Variants in CTNNA2 observed in about 807,000 individuals in gnomAD.
CTNNA2 encodes the protein catenin alpha-2.
Under a neutral mutation model 101.0 loss-of-function variants are expected in CTNNA2, and 42 were observed. The observed-to-expected ratio is 0.42, with a 90% confidence interval of 0.32 to 0.54. The LOEUF (loss-of-function observed/expected upper bound fraction) is 0.54. Among genes scored for constraint, CTNNA2 ranks in the 20% least tolerant of loss-of-function variants. CTNNA2 has a pLI of 0.14. For missense variants in CTNNA2, 871 were observed against 1,223.1 expected (o/e 0.71, Z 4.29); for synonymous variants, 450 against 456.4 (o/e 0.99, Z 0.18).
intron 8 of CTNNA2, among the ~76,000 whole-genome samples, chr2:80,407,212 C>A (rs948134400): frequency 6.6e-6 from 1 of 152,172 alleles, no homozygotes; most frequent in African/African-American, 2.4e-5. Flanking sequence ...TGGTCAAATA[C>A]CAGTCACACT....
chr2:79,718,053 T>G (rs904828535), intron 2 of CTNNA2, among the ~76,000 whole-genome samples: 1 of 152,182 alleles, frequency 6.6e-6, no homozygotes, highest in African/African-American at 2.4e-5. Context: ...GGATAAACTC[T>G]TGGGTCAGGT....
At chr2:79,720,199 T>C (rs924052060) in intron 2 of CTNNA2, among the ~76,000 whole-genome samples, 1 of 152,096 alleles carries the variant, frequency 6.6e-6, no homozygotes, top group African/African-American at 2.4e-5. Context: ...GATCAGATGA[T>C]TGTAAGTGTG....
intron 8 of CTNNA2, among the ~76,000 whole-genome samples, chr2:80,412,554 A>G (rs1475591657): frequency 6.6e-6 from 1 of 152,178 alleles, no homozygotes; most frequent in African/African-American, 2.4e-5. Context: ...TGTCTCTACC[A>G]CTTCACCAAA....
At chr2:80,288,306 G>A (rs1003249673) in intron 7 of CTNNA2, 1 of 152,084 alleles carries the variant, frequency 6.6e-6, no homozygotes, top group African/African-American at 2.4e-5. Flanking sequence ...CTTTAGTAGT[G>A]AGCAAAGCAG....
intron 1 of CTNNA2, chr2:79,573,736 TTAAA>T (rs1675613081): frequency 6.6e-6 from 1 of 152,226 alleles, no homozygotes; most frequent in Non-Finnish European, 1.5e-5. Context: ...TCAGATTATC[TTAAA>T]TAATAGTATC....
intron 3 of CTNNA2, chr2:79,339,810 G>A (rs1414149096): frequency 6.6e-6 from 1 of 152,232 alleles, no homozygotes; most frequent in Non-Finnish European, 1.5e-5. Flanking sequence ...TGTCACTCAA[G>A]CTCTTATCTG....
intron 11 of CTNNA2, among the ~76,000 whole-genome samples, chr2:80,552,108 T>C (rs1253949954): frequency 4.6e-5 from 7 of 152,184 alleles, no homozygotes; most frequent in Non-Finnish European, 7.3e-5. Context: ...ATTGTTTGCC[T>C]TCTTAAGTGA....
At chr2:79,233,507 A>G (rs1674520991) in intron 2 of CTNNA2, among the ~76,000 whole-genome samples, 1 of 152,128 alleles carries the variant, frequency 6.6e-6, no homozygotes, top group African/African-American at 2.4e-5. Context: ...CTGTGTATGG[A>G]TGACAAAAAT....
At chr2:80,630,293 G>C (rs1260296999) in intron 18 of CTNNA2, among the ~76,000 whole-genome samples, 1 of 152,078 alleles carries the variant, frequency 6.6e-6, no homozygotes, top group Non-Finnish European at 1.5e-5. Flanking sequence ...TTTTCCTACC[G>C]CTTTTTTAGA....
At chr2:80,210,772 A>T (rs1707837555) in intron 7 of CTNNA2, among the ~76,000 whole-genome samples, 1 of 152,152 alleles carries the variant, frequency 6.6e-6, no homozygotes, top group Admixed American at 6.5e-5. Context: ...CTAGTTCTAG[A>T]TCGTTGAGGA....
chr2:80,574,354 C>T, intron 13 of CTNNA2, 40 bp downstream of exon 13: 8 of 1,514,036 alleles, frequency 5.3e-6, no homozygotes, highest in East Asian at 2.3e-5. Context: ...GTCAGATCTC[C>T]TAGTAGGAAA....
intron 4 of CTNNA2, among the ~76,000 whole-genome samples, chr2:79,445,622 A>G (rs1325253394): frequency 3.3e-5 from 5 of 152,162 alleles, no homozygotes; most frequent in African/African-American, 7.2e-5. Context: ...CCTGTTGATT[A>G]GTGGTTCTAA....
intron 7 of CTNNA2, among the ~76,000 whole-genome samples, chr2:80,113,380 T>A (rs1046816476): frequency 8.5e-5 from 13 of 152,212 alleles, no homozygotes; most frequent in African/African-American, 2.9e-4. Flanking sequence ...ACACAAGTTA[T>A]TTTTATTCAG....
chr2:79,934,795 T>C (rs1194633742), intron 7 of CTNNA2, among the ~76,000 whole-genome samples: 1 of 152,230 alleles, frequency 6.6e-6, no homozygotes, highest in Non-Finnish European at 1.5e-5. Context: ...CCTAGCCCAA[T>C]GGCTTAAATC....
chr2:79,219,908 T>A (rs1320821102), intron 2 of CTNNA2, among the ~76,000 whole-genome samples: 4 of 152,202 alleles, frequency 2.6e-5, no homozygotes, highest in African/African-American at 9.6e-5. Flanking sequence ...ATTCATCCTT[T>A]CTTCCTTTGT....
In CTNNA2 at chr2:80,545,900, C is replaced by T; in HGVS notation, c.1384-7C>T. 2 of 1,613,018 alleles carry T rather than the reference C, an allele frequency of 1.2e-6. No individual in the cohort carries two copies. The highest frequency in any genetic ancestry group is 1.1e-5 in the South Asian group (1 of 90,932). On this transcript the variant is annotated splice_polypyrimidine_tract_variant and splice_region_variant and intron_variant, in intron 10 of 18. Transcript: ENST00000402739. Reference sequence around the variant, plus strand: ...CATCATGTCCCTGGATTGTTTCCAACAAATAGGTCATCAATGCCGCTCTGA... The same window carrying T: ...CATCATGTCCCTGGATTGTTTCCAATAAATAGGTCATCAATGCCGCTCTGA...
At chr2:79,473,265 C>T (rs895776307) in intron 4 of CTNNA2, among the ~76,000 whole-genome samples, 1 of 152,108 alleles carries the variant, frequency 6.6e-6, no homozygotes, top group African/African-American at 2.4e-5. Context: ...TTTAGAGTTG[C>T]TTCCACATTT....
chr2:79,874,732 C>T (rs944359344), intron 6 of CTNNA2, among the ~76,000 whole-genome samples: 1 of 152,220 alleles, frequency 6.6e-6, no homozygotes, highest in Non-Finnish European at 1.5e-5. Context: ...CGCTTAAACT[C>T]GGGAGGCGGA....
At chr2:79,472,661 C>A (rs1194711393) in intron 4 of CTNNA2, among the ~76,000 whole-genome samples, 3 of 152,164 alleles carry the variant, frequency 2.0e-5, no homozygotes, top group African/African-American at 7.2e-5. Flanking sequence ...CATTACTAAT[C>A]TCCTTATCAA....
Sources: gnomAD v4.1 joint callset for allele counts (sites outside exome capture counted in the v4.1 genomes callset) on GRCh38, gnomAD v4.1.1 for gene constraint, MANE v1.5 for transcripts, NCBI Gene and HGNC (gene_info 2026-07-23, HGNC 2026-07-21) for gene names.